The following CDC16 variants were observed in gnomAD, a reference collection of about 807,000 sequenced individuals.
The protein encoded by CDC16 is cell division cycle 16, also known as cell division cycle protein 16 homolog.
In CDC16, 34 loss-of-function variants were observed where a neutral mutation model predicts 87.0. The ratio of observed to expected loss-of-function variants is 0.39; its 90% confidence interval spans 0.30 to 0.52. The LOEUF (loss-of-function observed/expected upper bound fraction) is 0.52. Among genes scored for constraint, CDC16 ranks in the 20% least tolerant of loss-of-function variants. The probability of loss-of-function intolerance (pLI) is 0.74; values close to 1 mark genes in which losing one functional copy is unlikely to be tolerated. For missense variants in CDC16, 653 were observed against 751.9 expected, an observed-to-expected ratio of 0.87 and a Z score of 1.54; for synonymous variants, 263 against 260.6, an observed-to-expected ratio of 1.01 and a Z score of -0.09.
At chr13:114,248,524 TAAAA>T (rs927975666) in intron 11 of CDC16, among the ~76,000 whole-genome samples, 4 of 151,942 alleles carry the variant, frequency 2.6e-5, no homozygotes, top group Non-Finnish European at 5.9e-5. Context: ...CTACTAAAAA[TAAAA>T]AAATCAGCTG....
chr13:114,235,948 A>G (rs1303278288), intron 1 of CDC16, among the ~76,000 whole-genome samples: 3 of 152,214 alleles, frequency 2.0e-5, no homozygotes, highest in Non-Finnish European at 2.9e-5. Flanking sequence ...GAGCATATTT[A>G]TAACTATCCC....
intron 10 of CDC16, 91 bp from the exon 11 acceptor site, chr13:114,246,837 TGTA>T: frequency 1.3e-6 from 1 of 783,616 alleles, no homozygotes; most frequent in South Asian, 1.4e-5. Flanking sequence ...ATAAGGAACA[TGTA>T]GTATACCCTC....
chr13:114,267,016 G>A (rs1421939701), intron 17 of CDC16, among the ~76,000 whole-genome samples: 1 of 152,046 alleles, frequency 6.6e-6, no homozygotes, highest in Non-Finnish European at 1.5e-5. Flanking sequence ...AATCTTACAG[G>A]GGGCTGTGAT....
At chr13:114,266,923 C>A (rs1453301971) in intron 17 of CDC16, among the ~76,000 whole-genome samples, 1 of 151,876 alleles carries the variant, frequency 6.6e-6, no homozygotes, top group Non-Finnish European at 1.5e-5. Context: ...ATCTTGATCT[C>A]CTGACCTTGT....
chr13:114,245,779 G>C, intron 9 of CDC16: 1 of 473,840 alleles, frequency 2.1e-6, no homozygotes, highest in Non-Finnish European at 3.7e-6. Context: ...GCAGTATTCG[G>C]GAAGTGCTGT....
intron 17 of CDC16, among the ~76,000 whole-genome samples, chr13:114,270,507 C>T (rs1033551326): frequency 5.3e-5 from 8 of 152,060 alleles, no homozygotes; most frequent in African/African-American, 1.4e-4. Context: ...TAATTGGTAG[C>T]GATAGAAAAG....
intron 12 of CDC16, among the ~76,000 whole-genome samples, chr13:114,252,720 T>A (rs914055873): frequency 2.0e-5 from 3 of 152,240 alleles, no homozygotes; most frequent in Non-Finnish European, 4.4e-5. Context: ...TTTTATTTGA[T>A]ATTTTGGGTT....
chr13:114,236,299 T>C (rs1040310185), intron 1 of CDC16, among the ~76,000 whole-genome samples: 11 of 152,230 alleles, frequency 7.2e-5, no homozygotes, highest in Non-Finnish European at 1.2e-4. Flanking sequence ...GTTGAAAGTG[T>C]TATATAAATC....
At chr13:114,272,080 A>G (rs2083719378) in intron 17 of CDC16, 104 bp from the exon 18 acceptor site, 13 of 643,142 alleles carry the variant, frequency 2.0e-5, no homozygotes, top group Non-Finnish European at 3.2e-5. Flanking sequence ...TTTATTCTAA[A>G]TAGTATAATC....
intron 5 of CDC16, among the ~76,000 whole-genome samples, chr13:114,241,905 CTGTT>C (rs897321280): frequency 2.0e-5 from 3 of 152,048 alleles, no homozygotes; most frequent in Non-Finnish European, 4.4e-5. Flanking sequence ...AAAAAATTAA[CTGTT>C]TGTGGTATTG....
rs376492345 is a variant in CDC16, at chr13:114,246,927, T to C, written c.898-4T>C. 3 of 1,606,442 alleles carry C rather than the reference T, an allele frequency of 1.9e-6. No homozygotes were observed. Among genetic ancestry groups the C allele is most frequent in the Non-Finnish European group, 2.6e-6 (3 of 1,173,068 alleles). On this transcript the variant is annotated splice_polypyrimidine_tract_variant and splice_region_variant and intron_variant, in intron 10 of 17. Coordinates refer to ENST00000356221, the MANE Select transcript of CDC16 (RefSeq NM_001078645.3). Reference sequence around the variant, plus strand: ...TTGTTTATGGTAAATTTTGAACTTTTTAGGTGTCTTGGTTTGCAGTGGGAT... The same window carrying C: ...TTGTTTATGGTAAATTTTGAACTTTCTAGGTGTCTTGGTTTGCAGTGGGAT...
rs1047438685 is a variant in CDC16, at chr13:114,243,147, T to C, written c.542-110T>C. On this transcript the variant is annotated intron_variant, in intron 6 of 17. Coordinates refer to ENST00000356221, the MANE Select transcript of CDC16 (RefSeq NM_001078645.3). ...CACATTTTGATCTTATGTTCTCTTT[T>C]GAGTTTGATTTACTTAGACCAAGAA... 12 of 627,216 alleles carry C rather than the reference T, an allele frequency of 1.9e-5. No individual in the cohort carries two copies. The Admixed American group carries it at 3.1e-4, about 16-fold the overall frequency. The allele number at this position is 627,216 out of a possible 1,614,324, so 38.9% of individuals were successfully genotyped here.
At chr13:114,246,124 G>T (rs1342261472) in intron 10 of CDC16, 75 bp downstream of exon 10, 1 of 648,870 alleles carries the variant, frequency 1.5e-6, no homozygotes, top group Admixed American at 3.5e-5. Flanking sequence ...CTCGTATTTA[G>T]ACAATAGCTT....
intron 12 of CDC16, among the ~76,000 whole-genome samples, chr13:114,255,119 A>T (rs1294272667): frequency 6.6e-6 from 1 of 152,198 alleles, no homozygotes; most frequent in Non-Finnish European, 1.5e-5. Flanking sequence ...CCTATGTAGT[A>T]TCCTTCTGTT....
chr13:114,240,881 T>G (rs2081514639), intron 5 of CDC16, among the ~76,000 whole-genome samples: 2 of 152,250 alleles, frequency 1.3e-5, no homozygotes, highest in Admixed American at 6.5e-5. Flanking sequence ...ATTAACTTAT[T>G]TGCTATGAAA....
chr13:114,235,599 G>A (rs1048932812), intron 1 of CDC16, among the ~76,000 whole-genome samples: 1 of 152,222 alleles, frequency 6.6e-6, no homozygotes, highest in East Asian at 1.9e-4. Context: ...CTATGTCTGT[G>A]TTCTCTGCAC....
In CDC16 at chr13:114,261,775, G is replaced by A. The variant is rs9562184; in HGVS notation, c.1315-112G>A. ...TACCCTGGCCTTGTGGTGTGCTGGC[G>A]GCACACACTGGGAGAGAGCCCAGCT... On this transcript the variant is annotated intron_variant, in intron 14 of 17. Coordinates refer to ENST00000356221, the MANE Select transcript of CDC16 (RefSeq NM_001078645.3). 417 of 643,408 alleles carry A rather than the reference G, an allele frequency of 6.5e-4. 2 individuals are homozygous for A. In the East Asian group the frequency reaches 0.012, roughly 18 times the overall value. The allele number at this position is 643,408 out of a possible 1,614,324, so 39.9% of individuals were successfully genotyped here. A position where few individuals can be genotyped will look rare whatever the true frequency, so the allele number is the denominator to read the frequency against.
chr13:114,237,739 C>A (rs576078235), intron 3 of CDC16, among the ~76,000 whole-genome samples: 1 of 152,214 alleles, frequency 6.6e-6, no homozygotes, highest in East Asian at 1.9e-4. Flanking sequence ...CCTCCCCACT[C>A]GTACGTGTCA....
intron 11 of CDC16, 103 bp downstream of exon 11, chr13:114,247,107 G>T (rs1170633717): frequency 1.4e-6 from 1 of 706,206 alleles, no homozygotes; most frequent in Non-Finnish European, 2.5e-6. Flanking sequence ...CAATGTGAAA[G>T]AATAAATGTT....
Sources: allele counts gnomAD v4.1 joint callset (sites outside exome capture counted in the v4.1 genomes callset), GRCh38; gene constraint gnomAD v4.1.1; transcripts MANE v1.5; gene names NCBI Gene and HGNC (gene_info 2026-07-23, HGNC 2026-07-21).